The following CSRNP3 variants were observed in gnomAD, a reference collection of about 807,000 sequenced individuals.
CSRNP3 encodes cysteine and serine rich nuclear protein 3.
Under a neutral mutation model 48.0 loss-of-function variants are expected in CSRNP3, and 12 were observed. That is an observed-to-expected ratio of 0.25 (90% CI 0.16 to 0.41). The LOEUF (loss-of-function observed/expected upper bound fraction) is 0.41. CSRNP3 is among the 10% of genes least tolerant of loss of function. The pLI is 1.00. For missense variants in CSRNP3, 580 were observed against 724.4 expected (o/e 0.80, Z 2.29); for synonymous variants, 263 against 269.7 (o/e 0.98, Z 0.24).
In CSRNP3 at chr2:165,505,758, G is replaced by T. The variant is rs1488080565; in HGVS notation, c.-113+10830G>T. 2.6e-5 allele frequency among the ~76,000 whole-genome samples: 4 copies of T among 152,170 alleles called. No individual in the cohort carries two copies. In the South Asian group the frequency reaches 8.3e-4, roughly 32 times the overall value. Reference sequence around the variant, plus strand: ...ATTCATTCAGTATTGTGGCAACAAGGCTTGTCAACATAACCACATTCATTT... The same window carrying T: ...ATTCATTCAGTATTGTGGCAACAAGTCTTGTCAACATAACCACATTCATTT... On this transcript the variant is annotated intron_variant, in intron 2 of 6. Transcript: ENST00000651982.
In CSRNP3 at chr2:165,657,983, A is replaced by G; in HGVS notation, c.371A>G (p.His124Arg). 1 of 1,613,778 alleles carries G rather than the reference A, an allele frequency of 6.2e-7. No individual in the cohort carries two copies. The highest frequency in any genetic ancestry group is 8.5e-7 in the Non-Finnish European group (1 of 1,179,940). Residue 124 changes from histidine (H) to arginine (R), a missense_variant, in exon 5 of 7, where the codon CAC becomes CGC. His to Arg is a conservative substitution (Grantham distance 29). Around this residue, in one of 4 missense-constraint regions of CSRNP3, gnomAD observed 62 missense variants for 66.4 expected, o/e 0.93. Transcript: ENST00000651982. ...CTCCACCGGGAGATGTTGAGAGAAC[A>G]CCTTAGGGAGGAAAAGCTGAACTCC... Reference protein sequence around the residue: ...ERLHREMLREHLREEKLNSLK... With the variant: ...ERLHREMLRERLREEKLNSLK...
chr2:165,525,026 A>G (rs1234252109), intron 3 of CSRNP3, among the ~76,000 whole-genome samples: 4 of 152,236 alleles, frequency 2.6e-5, no homozygotes, highest in Non-Finnish European at 4.4e-5. Context: ...ATGACAAACC[A>G]TCCTAAATTT....
chr2:165,592,825 G>A (rs55781537), intron 3 of CSRNP3, among the ~76,000 whole-genome samples: 49,337 of 126,538 alleles, frequency 0.39, 9,625 homozygotes, highest in South Asian at 0.48. Flanking sequence ...TTTTTGAGAC[G>A]GAGTCTCGCT....
chr2:165,649,159 CTTG>C (rs1048124791), intron 4 of CSRNP3, among the ~76,000 whole-genome samples: 6 of 152,158 alleles, frequency 3.9e-5, no homozygotes, highest in Admixed American at 2.6e-4. Context: ...CTATTTTGTT[CTTG>C]TTGTTTAAAT....
At chr2:165,493,258 T>A (rs938634407) in intron 1 of CSRNP3, among the ~76,000 whole-genome samples, 1 of 152,034 alleles carries the variant, frequency 6.6e-6, no homozygotes, top group African/African-American at 2.4e-5. Context: ...ACCAGAAAGT[T>A]ATAGATAGGA....
chr2:165,484,326 C>G (rs1684085424), intron 1 of CSRNP3, among the ~76,000 whole-genome samples: 1 of 152,064 alleles, frequency 6.6e-6, no homozygotes, highest in South Asian at 2.1e-4. Context: ...CTCCTGGCCT[C>G]CAGTGATCCA....
intron 4 of CSRNP3, among the ~76,000 whole-genome samples, chr2:165,635,883 C>G (rs902174576): frequency 6.6e-6 from 1 of 152,100 alleles, no homozygotes; most frequent in African/African-American, 2.4e-5. Context: ...TGCTACCCTT[C>G]CTTGCTCCAT....
intron 3 of CSRNP3, among the ~76,000 whole-genome samples, chr2:165,522,417 A>G (rs1684675166): frequency 6.6e-6 from 1 of 152,122 alleles, no homozygotes; most frequent in Non-Finnish European, 1.5e-5. Context: ...TTTTCCTTTT[A>G]TTTGCTTATA....
intron 3 of CSRNP3, among the ~76,000 whole-genome samples, chr2:165,587,791 C>T (rs897709331): frequency 1.3e-5 from 2 of 152,136 alleles, no homozygotes; most frequent in African/African-American, 4.8e-5. Flanking sequence ...ATGCTTTGGG[C>T]TCAGTTTCAT....
intron 2 of CSRNP3, among the ~76,000 whole-genome samples, chr2:165,515,539 A>C (rs1684567310): frequency 6.6e-6 from 1 of 151,602 alleles, no homozygotes; most frequent in African/African-American, 2.4e-5. Flanking sequence ...ACAGATCACA[A>C]ATATAGTCAG....
At chr2:165,656,158 A>G (rs1230760887) in intron 4 of CSRNP3, among the ~76,000 whole-genome samples, 1 of 152,214 alleles carries the variant, frequency 6.6e-6, no homozygotes, top group African/African-American at 2.4e-5. Flanking sequence ...TTGGCAGCGA[A>G]TTAGGAGCTT....
At chr2:165,585,951 A>AT in intron 3 of CSRNP3, among the ~76,000 whole-genome samples, 1 of 152,300 alleles carries the variant, frequency 6.6e-6, no homozygotes, top group East Asian at 1.9e-4. Context: ...TCCTGATAGA[A>AT]TACCCCCTAA....
At chr2:165,610,406 A>G (rs1388810658) in intron 4 of CSRNP3, among the ~76,000 whole-genome samples, 1 of 152,158 alleles carries the variant, frequency 6.6e-6, no homozygotes, top group Non-Finnish European at 1.5e-5. Flanking sequence ...AAGCTCTACA[A>G]ATATTAGACA....
At chr2:165,592,290 G>C (rs962585445) in intron 3 of CSRNP3, among the ~76,000 whole-genome samples, 1 of 152,194 alleles carries the variant, frequency 6.6e-6, no homozygotes, top group African/African-American at 2.4e-5. Context: ...ATTAGGAACA[G>C]GTGTGTTTAC....
intron 3 of CSRNP3, among the ~76,000 whole-genome samples, chr2:165,536,555 T>G (rs545752347): frequency 5.3e-5 from 8 of 152,070 alleles, no homozygotes; most frequent in Admixed American, 3.3e-4. Flanking sequence ...TCTAAGATTT[T>G]TATATTCTTC....
intron 3 of CSRNP3, among the ~76,000 whole-genome samples, chr2:165,524,405 T>C (rs754677576): frequency 2.6e-5 from 4 of 152,220 alleles, no homozygotes; most frequent in Non-Finnish European, 5.9e-5. Context: ...TAGGTATTTA[T>C]GTGACTTTGG....
intron 3 of CSRNP3, among the ~76,000 whole-genome samples, chr2:165,577,117 TCTC>T (rs1334054386): frequency 6.6e-6 from 1 of 151,124 alleles, no homozygotes; most frequent in Non-Finnish European, 1.5e-5. Context: ...CTATATTTGT[TCTC>T]CTGAAATTCT....
intron 3 of CSRNP3, among the ~76,000 whole-genome samples, chr2:165,557,606 C>T (rs1345998552): frequency 1.3e-5 from 2 of 152,080 alleles, no homozygotes; most frequent in Non-Finnish European, 2.9e-5. Context: ...GGAGGGAGCT[C>T]CCCCCACAAC....
chr2:165,654,497 T>C (rs749697170), intron 4 of CSRNP3, among the ~76,000 whole-genome samples: 13 of 152,172 alleles, frequency 8.5e-5, no homozygotes, highest in African/African-American at 1.4e-4. Flanking sequence ...GAAAGCCGAA[T>C]TGCTGTGCTA....
Sources: gnomAD v4.1 joint callset for allele counts (sites outside exome capture counted in the v4.1 genomes callset) on GRCh38, gnomAD v4.1.1 for gene constraint, gnomAD v4.1.1 regional missense constraint, MANE v1.5 for transcripts, NCBI Gene and HGNC (gene_info 2026-07-23, HGNC 2026-07-21) for gene names.